Variants in PCDH15 observed in about 807,000 individuals in gnomAD.
PCDH15 encodes protocadherin related 15.
Under a neutral mutation model 178.5 loss-of-function variants are expected in PCDH15, and 129 were observed. The ratio of observed to expected loss-of-function variants is 0.72; its 90% CI spans 0.63 to 0.84. The LOEUF (loss-of-function observed/expected upper bound fraction) is 0.84, where lower values mean the gene tolerates loss of function less well. Among genes scored for constraint, PCDH15 ranks in the 40% least tolerant of loss-of-function variants. The pLI, the probability that PCDH15 is intolerant of heterozygous loss-of-function variation, is 0.00. For synonymous variants in PCDH15, 800 were observed against 732.0 expected (o/e 1.09, Z -1.50); for missense variants, 2,230 against 2,099.9 (o/e 1.06, Z -1.21).
intron 1 of PCDH15, among the ~76,000 whole-genome samples, chr10:55,266,757 C>T (rs144508813): frequency 2.6e-5 from 4 of 152,264 alleles, no homozygotes; most frequent in African/African-American, 9.6e-5. Flanking sequence ...CCAGCAGAAC[C>T]ACACAGAGTC....
chr10:55,468,934 T>C (rs1213543208), intron 2 of PCDH15: 3 of 151,884 alleles, frequency 2.0e-5, no homozygotes, highest in African/African-American at 4.8e-5. Context: ...TTTGATCCTG[T>C]TTTTAAGTTA....
intron 8 of PCDH15, among the ~76,000 whole-genome samples, chr10:54,294,572 A>G (rs2059627118): frequency 6.6e-6 from 1 of 152,218 alleles, no homozygotes; most frequent in Non-Finnish European, 1.5e-5. Context: ...TAAATCAATG[A>G]TATAGTTACC....
At chr10:55,069,381 C>T (rs1451523460) in intron 2 of PCDH15, among the ~76,000 whole-genome samples, 1 of 146,662 alleles carries the variant, frequency 6.8e-6, no homozygotes, top group Admixed American at 6.9e-5. Flanking sequence ...CACCCATTAA[C>T]TCGTCATTTA....
At chr10:55,524,044 C>A (rs561126891) in intron 2 of PCDH15, among the ~76,000 whole-genome samples, 1 of 147,136 alleles carries the variant, frequency 6.8e-6, no homozygotes, top group South Asian at 2.2e-4. Flanking sequence ...TGAAAACTGG[C>A]GTACATGTAA....
At chr10:53,925,060 CAT>C (rs1286128943) in intron 25 of PCDH15, among the ~76,000 whole-genome samples, 1 of 152,136 alleles carries the variant, frequency 6.6e-6, no homozygotes, top group Non-Finnish European at 1.5e-5. Flanking sequence ...GGTGGGGCCA[CAT>C]GAGGGAATAA....
At chr10:54,295,483 C>G (rs1380731729) in intron 8 of PCDH15, among the ~76,000 whole-genome samples, 1 of 152,196 alleles carries the variant, frequency 6.6e-6, no homozygotes, top group Non-Finnish European at 1.5e-5. Flanking sequence ...GGTGCTCACT[C>G]TTAGGGTCCA....
intron 9 of PCDH15, 129 bp downstream of exon 9, chr10:54,236,694 T>C: frequency 1.2e-6 from 1 of 819,382 alleles, no homozygotes; most frequent in Middle Eastern, 2.4e-4. Flanking sequence ...AAAATGTGTT[T>C]ATACACAAAA....
At chr10:55,226,666 G>T (rs1462452243) in intron 1 of PCDH15, among the ~76,000 whole-genome samples, 1 of 152,074 alleles carries the variant, frequency 6.6e-6, no homozygotes, top group African/African-American at 2.4e-5. Context: ...ACAGGCGTGA[G>T]CCACTGCGCC....
At chr10:54,845,639 G>T (rs1267349146) in intron 3 of PCDH15, among the ~76,000 whole-genome samples, 2 of 151,966 alleles carry the variant, frequency 1.3e-5, no homozygotes, top group East Asian at 3.8e-4. Flanking sequence ...GTTTTCTGAT[G>T]CTTCCCAGGA....
intron 2 of PCDH15, among the ~76,000 whole-genome samples, chr10:55,448,295 G>A (rs2132077797): frequency 6.6e-6 from 1 of 151,742 alleles, no homozygotes; most frequent in East Asian, 1.9e-4. Context: ...TTACAGAGTA[G>A]GTTAGATTTT....
intron 2 of PCDH15, among the ~76,000 whole-genome samples, chr10:54,935,705 C>T (rs568141305): frequency 1.3e-5 from 2 of 152,182 alleles, no homozygotes; most frequent in South Asian, 4.1e-4. Flanking sequence ...GTATCCCCTT[C>T]ATACAATATT....
intron 3 of PCDH15, among the ~76,000 whole-genome samples, chr10:54,475,447 C>T (rs2078211399): frequency 6.6e-6 from 1 of 151,944 alleles, no homozygotes; most frequent in African/African-American, 2.4e-5. Flanking sequence ...ACAATTCTTA[C>T]TTGCAAGATC....
intron 2 of PCDH15, among the ~76,000 whole-genome samples, chr10:55,126,465 T>G (rs1837903210): frequency 6.6e-6 from 1 of 152,090 alleles, no homozygotes; most frequent in African/African-American, 2.4e-5. Context: ...TATACTTTGG[T>G]CTCAATAGGG....
chr10:53,886,457 C>T (rs893464849), intron 26 of PCDH15, among the ~76,000 whole-genome samples: 12 of 152,134 alleles, frequency 7.9e-5, no homozygotes, highest in East Asian at 7.7e-4. Flanking sequence ...CACAGTCTTC[C>T]GATTTAGCAT....
chr10:54,610,123 A>C, intron 2 of PCDH15, among the ~76,000 whole-genome samples: 1 of 151,904 alleles, frequency 6.6e-6, no homozygotes, highest in East Asian at 1.9e-4. Flanking sequence ...ATGTGAATAT[A>C]GCTGTTGAGC....
At chr10:54,193,598 G>A (rs1435024844) in intron 11 of PCDH15, among the ~76,000 whole-genome samples, 2 of 152,128 alleles carry the variant, frequency 1.3e-5, no homozygotes, top group East Asian at 1.9e-4. Context: ...TTTCTAGTGG[G>A]GATTCAGTAG....
At chr10:54,010,370 C>T (rs1324340247) in intron 20 of PCDH15, among the ~76,000 whole-genome samples, 1 of 152,130 alleles carries the variant, frequency 6.6e-6, no homozygotes, top group Non-Finnish European at 1.5e-5. Context: ...CAGCTCTGTA[C>T]TTTCCTGGGA....
At chr10:55,562,168 A>G (rs141349446) in intron 2 of PCDH15, among the ~76,000 whole-genome samples, 6 of 151,934 alleles carry the variant, frequency 3.9e-5, no homozygotes, top group Non-Finnish European at 8.8e-5. Flanking sequence ...TTACTGTTCC[A>G]AGGGGACATT....
intron 37 of PCDH15, chr10:53,809,602 C>A: frequency 6.6e-7 from 1 of 1,511,376 alleles, no homozygotes; most frequent in Non-Finnish European, 8.9e-7. Context: ...TATGGTATGA[C>A]CTTGTCCCAC....
Sources: gnomAD v4.1 joint callset for allele counts (sites outside exome capture counted in the v4.1 genomes callset) on GRCh38, gnomAD v4.1.1 for gene constraint, MANE v1.5 for transcripts, NCBI Gene and HGNC (gene_info 2026-07-23, HGNC 2026-07-21) for gene names.